GMDS: variants seen among roughly 807,000 people sequenced by gnomAD.
GMDS encodes GDP-mannose 4,6 dehydratase.
A neutral mutation model predicts 49.9 loss-of-function variants in GMDS; 20 were observed. The ratio of observed to expected loss-of-function variants is 0.40; its 90% CI spans 0.28 to 0.58. GMDS has a LOEUF of 0.58. Ranked by LOEUF, GMDS falls within the 20% of genes least tolerant of loss-of-function variation. GMDS has a pLI of 0.42. For synonymous variants in GMDS, 177 were observed against 178.6 expected (o/e 0.99, Z 0.07); for missense variants, 362 against 481.4 (o/e 0.75, Z 2.32).
chr6:1,726,159 T>C (rs759570131), intron 9 of GMDS, among the ~76,000 whole-genome samples: 3 of 152,244 alleles, frequency 2.0e-5, no homozygotes, highest in Non-Finnish European at 2.9e-5. Flanking sequence ...GCGTGTGATG[T>C]GAGATTCCAT....
At chr6:1,695,104 A>C (rs939076414) in intron 9 of GMDS, among the ~76,000 whole-genome samples, 4 of 152,226 alleles carry the variant, frequency 2.6e-5, no homozygotes, top group Non-Finnish European at 1.5e-5. Context: ...CTGAGGATAA[A>C]AGTGTGAGGA....
intron 4 of GMDS, among the ~76,000 whole-genome samples, chr6:2,057,743 G>T: frequency 6.6e-6 from 1 of 152,118 alleles, no homozygotes. Flanking sequence ...TCAGAGTACT[G>T]GGGATCAATA....
At chr6:1,968,560 T>C (rs944552394) in intron 4 of GMDS, among the ~76,000 whole-genome samples, 3 of 152,156 alleles carry the variant, frequency 2.0e-5, no homozygotes, top group African/African-American at 7.2e-5. Flanking sequence ...GCCTTGGTCC[T>C]GAGTCTCTCA....
chr6:1,628,984 T>C (rs1762920752), intron 9 of GMDS, among the ~76,000 whole-genome samples: 2 of 152,316 alleles, frequency 1.3e-5, no homozygotes, highest in South Asian at 4.1e-4. Context: ...ATAGGAAAGC[T>C]TGACTCTTGG....
At chr6:1,670,059 C>T (rs749232521) in intron 9 of GMDS, among the ~76,000 whole-genome samples, 3 of 151,624 alleles carry the variant, frequency 2.0e-5, no homozygotes, top group Admixed American at 6.6e-5. Context: ...GTGTCACAAA[C>T]GAGGGGAGAT....
At chr6:2,192,179 C>A (rs1779052814) in intron 1 of GMDS, among the ~76,000 whole-genome samples, 1 of 152,064 alleles carries the variant, frequency 6.6e-6, no homozygotes. Context: ...AGGAGCTACC[C>A]TCTCTGCTGA....
At chr6:1,903,290 T>G (rs1341978915) in intron 7 of GMDS, among the ~76,000 whole-genome samples, 8 of 152,246 alleles carry the variant, frequency 5.3e-5, no homozygotes, top group Non-Finnish European at 1.2e-4. Flanking sequence ...TACACTTTCT[T>G]GTTTCCTACT....
intron 9 of GMDS, among the ~76,000 whole-genome samples, chr6:1,716,827 C>T (rs1766194066): frequency 6.6e-6 from 1 of 152,216 alleles, no homozygotes; most frequent in Non-Finnish European, 1.5e-5. Context: ...CTTTCCAAAG[C>T]CCTGCTCTAA....
chr6:2,000,813 C>CT (rs1766769230), intron 4 of GMDS, among the ~76,000 whole-genome samples: 1 of 152,194 alleles, frequency 6.6e-6, no homozygotes, highest in Non-Finnish European at 1.5e-5. Flanking sequence ...AGGCATACAC[C>CT]ACCATGCCCA....
intron 4 of GMDS, among the ~76,000 whole-genome samples, chr6:2,049,975 A>G (rs1463225999): frequency 6.6e-6 from 1 of 152,184 alleles, no homozygotes; most frequent in Admixed American, 6.5e-5. Flanking sequence ...AGAACTAGAG[A>G]AGCAAGAGCA....
intron 4 of GMDS, among the ~76,000 whole-genome samples, chr6:2,052,475 G>A (rs896641144): frequency 1.3e-5 from 2 of 152,220 alleles, no homozygotes; most frequent in Admixed American, 1.3e-4. Flanking sequence ...GCTTGGTCCT[G>A]ACAAGGTCCT....
At position 1,833,070 on chromosome 6, in the gene GMDS, T is replaced by C. The variant is rs1410868069; in HGVS notation, c.772-90484A>G. ...GATCACTCACACAAAGGACGGAAAA[T>C]TGCTGGCGCCGCTGGACCTGTGCCC... is the stretch of plus-strand genomic sequence containing the variant. On this transcript the variant is annotated intron_variant, in intron 7 of 10. Transcript: ENST00000380815. This position sits in a 1 kb window ranked among gnomAD's most constrained non-coding sequence, Gnocchi z 4.4. Among the ~76,000 whole-genome samples the C allele has an allele frequency of 6.6e-6, 1 of 151,470 alleles. No homozygotes were observed. The highest frequency in any genetic ancestry group is 1.5e-5 in the Non-Finnish European group (1 of 67,948).
At chr6:2,074,952 A>G (rs758681939) in intron 4 of GMDS, among the ~76,000 whole-genome samples, 13 of 152,174 alleles carry the variant, frequency 8.5e-5, no homozygotes, top group East Asian at 3.9e-4. Flanking sequence ...ATCAGTTGTT[A>G]TAAGTATGTA....
At chr6:1,861,073 C>G (rs1030609901) in intron 7 of GMDS, among the ~76,000 whole-genome samples, 3 of 152,192 alleles carry the variant, frequency 2.0e-5, no homozygotes, top group Non-Finnish European at 4.4e-5. Context: ...CTTTACTCTG[C>G]CTTCCAGTTA....
At chr6:1,822,354 T>C (rs1452094165) in intron 7 of GMDS, among the ~76,000 whole-genome samples, 1 of 152,202 alleles carries the variant, frequency 6.6e-6, no homozygotes. Flanking sequence ...TGAGAAGTAT[T>C]GGGGTAAGAT....
chr6:1,764,448 T>G (rs952803481), intron 7 of GMDS, among the ~76,000 whole-genome samples: 15 of 152,228 alleles, frequency 9.9e-5, no homozygotes, highest in African/African-American at 3.6e-4. Context: ...CTGGGCCCTG[T>G]CTGGAATAGG....
intron 9 of GMDS, among the ~76,000 whole-genome samples, chr6:1,667,987 G>A (rs991993625): frequency 1.2e-4 from 19 of 152,150 alleles, no homozygotes; most frequent in African/African-American, 1.7e-4. Context: ...CTGACATCCC[G>A]GGAGTCTGGC....
At chr6:2,131,112 T>C (rs567444293) in intron 1 of GMDS, among the ~76,000 whole-genome samples, 33 of 152,300 alleles carry the variant, frequency 2.2e-4, no homozygotes, top group African/African-American at 7.9e-4. Context: ...GTCTCTTTTA[T>C]ATTGCAAATG....
intron 8 of GMDS, among the ~76,000 whole-genome samples, chr6:1,729,791 T>C (rs1210843479): frequency 3.3e-5 from 5 of 152,226 alleles, no homozygotes; most frequent in African/African-American, 1.2e-4. Context: ...TAATTCAATT[T>C]TTAAAATAAA....
Sources: gnomAD v4.1 joint callset for allele counts (sites outside exome capture counted in the v4.1 genomes callset) on GRCh38, gnomAD v4.1.1 for gene constraint, Gnocchi (gnomAD v3.1) non-coding constraint, MANE v1.5 for transcripts, NCBI Gene and HGNC (gene_info 2026-07-23, HGNC 2026-07-21) for gene names.